Variants in KIRREL3 observed in about 807,000 individuals in gnomAD.
KIRREL3 encodes kirre like nephrin family adhesion molecule 3.
KIRREL3 carries 36 observed loss-of-function variants against 89.7 expected under a neutral mutation model. The ratio of observed to expected loss-of-function variants is 0.40; its 90% CI spans 0.31 to 0.53. KIRREL3 has a LOEUF of 0.53. KIRREL3 is among the 20% of genes least tolerant of loss of function. The probability of loss-of-function intolerance (pLI) is 0.49; values close to 1 mark genes in which losing one functional copy is unlikely to be tolerated. For synonymous variants in KIRREL3, 445 were observed against 441.4 expected (o/e 1.01, Z -0.10); for missense variants, 864 against 1,056.6 (o/e 0.82, Z 2.53).
In KIRREL3 at chr11:126,863,614, C is replaced by CGT. The variant is rs372426537; in HGVS notation, c.55+136839_55+136840dup. Among the ~76,000 whole-genome samples, 142 of 18,848 alleles carry CGT rather than the reference C, an allele frequency of 7.5e-3. 1 individual carries two copies. The East Asian group carries it at 0.1, about 14-fold the overall frequency. The allele number at this position is 18,848 out of a possible 152,430, so 12.4% of individuals were successfully genotyped here. The stretch of plus-strand genomic sequence containing the variant: ...GTTTGAGTGCGTGTGTGTTTGCGTG[C>CGT]GTGTGTGTGTGTTTGAGTGCGTGTG... On this transcript the variant is annotated intron_variant, in intron 1 of 16. Transcript: ENST00000525144.
rs1957655968 is a variant in KIRREL3 at position 126,496,375 on chromosome 11, G to A, written c.434-22909C>T. On this transcript the variant is annotated intron_variant, in intron 4 of 16. Transcript: ENST00000525144. The surrounding 1 kb of genome is among the most constrained non-coding windows in gnomAD (Gnocchi z 4.9). Reference sequence around the variant, plus strand: ...TCACTTTATAGATGAAGAAACTGAGGGTCAGAGAGGCTAAGTGATTTGGAC... The same window carrying A: ...TCACTTTATAGATGAAGAAACTGAGAGTCAGAGAGGCTAAGTGATTTGGAC... Among the ~76,000 whole-genome samples the A allele has an allele frequency of 6.6e-6, 1 of 152,124 alleles. No individual in the cohort carries two copies. Among genetic ancestry groups the A allele is most frequent in the African/African-American group, 2.4e-5 (1 of 41,426 alleles).
intron 4 of KIRREL3, among the ~76,000 whole-genome samples, chr11:126,500,569 G>A (rs1386021793): frequency 3.3e-5 from 5 of 152,170 alleles, no homozygotes; most frequent in East Asian, 1.9e-4. Flanking sequence ...GTGAAACCCC[G>A]TCTCTACAAA....
At chr11:126,829,919 T>C (rs1374543441) in intron 1 of KIRREL3, among the ~76,000 whole-genome samples, 1 of 151,676 alleles carries the variant, frequency 6.6e-6, no homozygotes, top group East Asian at 1.9e-4. Flanking sequence ...TGGGAGGGAG[T>C]GAGTTTTGTC....
At chr11:126,770,591 G>A (rs1449791409) in intron 1 of KIRREL3, among the ~76,000 whole-genome samples, 4 of 152,126 alleles carry the variant, frequency 2.6e-5, no homozygotes, top group East Asian at 3.9e-4. Flanking sequence ...TTACGGAGGC[G>A]GCCTGTTATG....
intron 5 of KIRREL3, among the ~76,000 whole-genome samples, chr11:126,472,582 C>T (rs906266881): frequency 4.6e-5 from 7 of 152,088 alleles, no homozygotes; most frequent in African/African-American, 1.4e-4. Context: ...ACATTCAGAC[C>T]GTGATTGCAT....
At position 126,715,466 on chromosome 11, in the gene KIRREL3, G is replaced by A. The variant is rs1207012893; in HGVS notation, c.56-152554C>T. On this transcript the variant is annotated intron_variant, in intron 1 of 16. Coordinates refer to ENST00000525144, the MANE Select transcript of KIRREL3 (RefSeq NM_032531.4). The surrounding 1 kb of genome is among the most constrained non-coding windows in gnomAD (Gnocchi z 4.4). ...TTGTTGACAGCTCAAGACCACATGGGCTCATCACTGTGATCTTAAGGAAAG... is the reference window on the plus strand; with the variant it reads ...TTGTTGACAGCTCAAGACCACATGGACTCATCACTGTGATCTTAAGGAAAG... Among the ~76,000 whole-genome samples, 5 of 152,120 alleles carry A rather than the reference G, an allele frequency of 3.3e-5. No individual in the cohort carries two copies. The highest frequency in any genetic ancestry group is 1.2e-4 in the African/African-American group (5 of 41,418).
rs1009592756 is a variant in KIRREL3 at position 126,475,396 on chromosome 11, C to G, written c.434-1930G>C. 6.6e-6 allele frequency among the ~76,000 whole-genome samples: 1 copy of G among 152,184 alleles called. No individual in the cohort carries two copies. Among genetic ancestry groups the G allele is most frequent in the Non-Finnish European group, 1.5e-5 (1 of 68,028 alleles). On this transcript the variant is annotated intron_variant, in intron 4 of 16. Transcript: ENST00000525144. The surrounding 1 kb of genome is among the most constrained non-coding windows in gnomAD (Gnocchi z 7.5). The stretch of plus-strand genomic sequence containing the variant: ...AGGGACAGGAAGCCCCAGTGGGGGC[C>G]GGTAAGAAGCCAAGAAGCAAACCTT...
intron 2 of KIRREL3, among the ~76,000 whole-genome samples, chr11:126,533,797 A>G (rs946977457): frequency 6.6e-6 from 1 of 152,192 alleles, no homozygotes; most frequent in Admixed American, 6.5e-5. Context: ...AAATGGGGAC[A>G]ATAATACCAC....
rs1233176382 is a variant in KIRREL3, at chr11:126,587,236, AGATGAAGACGGGG to A, written c.56-24337_56-24325del. Reference sequence around the variant, plus strand: ...CCCGAAGGACAAATAGGGGACAGGGAGATGAAGACGGGGGCTGCAGAGCGTTCCAGGCTGTGGA... The same window carrying A: ...CCCGAAGGACAAATAGGGGACAGGGAGCTGCAGAGCGTTCCAGGCTGTGGA... On this transcript the variant is annotated intron_variant, in intron 1 of 16. Coordinates refer to ENST00000525144, the MANE Select transcript of KIRREL3 (RefSeq NM_032531.4). The surrounding 1 kb of genome is among the most constrained non-coding windows in gnomAD (Gnocchi z 5.2). Among the ~76,000 whole-genome samples the A allele has an allele frequency of 2.6e-5, 4 of 152,130 alleles. No homozygotes were observed. The highest frequency in any genetic ancestry group is 7.2e-5 in the African/African-American group (3 of 41,444).
At position 126,918,154 on chromosome 11, in the gene KIRREL3, G is replaced by C. The variant is rs1628588; in HGVS notation, c.55+82301C>G. 0.33 allele frequency among the ~76,000 whole-genome samples: 49,765 copies of C among 152,096 alleles called. 8,749 individuals carry two copies. Among genetic ancestry groups the C allele is most frequent in the Middle Eastern group, 0.55 (162 of 292 alleles). On this transcript the variant is annotated intron_variant, in intron 1 of 16. Transcript: ENST00000525144. The surrounding 1 kb of genome is among the most constrained non-coding windows in gnomAD (Gnocchi z 6.5). ...CAGTTGAAGGACACACGACTTGAGG[G>C]AGATGGATGTTACTGAGGCAAAAGA... is the stretch of plus-strand genomic sequence containing the variant.
In KIRREL3 at chr11:126,752,173, T is replaced by C. The variant is rs550683462; in HGVS notation, c.56-189261A>G. Among the ~76,000 whole-genome samples the C allele has an allele frequency of 2.0e-5, 3 of 151,922 alleles. No individual in the cohort carries two copies. The highest frequency in any genetic ancestry group is 4.8e-5 in the African/African-American group (2 of 41,392). ...TATGAAGACGGGGTAAGCTAATGTA[T>C]TGAAAGGATTTCCCAGGCTCAGCGT... On this transcript the variant is annotated intron_variant, in intron 1 of 16. Transcript: ENST00000525144. The surrounding 1 kb of genome is among the most constrained non-coding windows in gnomAD (Gnocchi z 4.8).
At position 126,648,438 on chromosome 11, in the gene KIRREL3, G is replaced by A. The variant is rs113771956; in HGVS notation, c.56-85526C>T. On this transcript the variant is annotated intron_variant, in intron 1 of 16. Transcript: ENST00000525144. Reference sequence around the variant, plus strand: ...CCTCCCCTGCTTCAAGACATTGCTCGGTGGCCACCTTCTTGGGGACTGACC... The same window carrying A: ...CCTCCCCTGCTTCAAGACATTGCTCAGTGGCCACCTTCTTGGGGACTGACC... Among the ~76,000 whole-genome samples, 1,072 of 152,208 alleles carry A rather than the reference G, an allele frequency of 7.0e-3. 10 individuals are homozygous for A. Among genetic ancestry groups the A allele is most frequent in the African/African-American group, 0.025 (1,036 of 41,518 alleles).
rs912298489 is a variant in KIRREL3 at position 126,561,123 on chromosome 11, T to C, written c.133+1712A>G. ...TGGTACTTAGGGCAGCAAGGCTGGC[T>C]GGAGTGGAAGAAGAGGAGCTTCCTC... On this transcript the variant is annotated intron_variant, in intron 2 of 16. Transcript: ENST00000525144. The surrounding 1 kb of genome is among the most constrained non-coding windows in gnomAD (Gnocchi z 4.5). Among the ~76,000 whole-genome samples, 1 of 152,218 alleles carries C rather than the reference T, an allele frequency of 6.6e-6. No individual in the cohort carries two copies. The highest frequency in any genetic ancestry group is 1.5e-5 in the Non-Finnish European group (1 of 68,042).
intron 6 of KIRREL3, among the ~76,000 whole-genome samples, chr11:126,457,258 T>C (rs1956388196): frequency 6.8e-6 from 1 of 147,480 alleles, no homozygotes; most frequent in Admixed American, 6.7e-5. Flanking sequence ...TGTGTATGTG[T>C]GTATGCATGT....
At chr11:126,804,703 T>A (rs957114233) in intron 1 of KIRREL3, among the ~76,000 whole-genome samples, 1 of 152,214 alleles carries the variant, frequency 6.6e-6, no homozygotes, top group African/African-American at 2.4e-5. Context: ...CACTTCTTTT[T>A]GTTTAAAAAA....
chr11:126,902,132 T>C (rs1276991503), intron 1 of KIRREL3, among the ~76,000 whole-genome samples: 1 of 152,218 alleles, frequency 6.6e-6, no homozygotes, highest in African/African-American at 2.4e-5. Flanking sequence ...TATGGAGGCT[T>C]GTTCCAGTGG....
chr11:126,528,438 G>A lies in KIRREL3; in HGVS notation c.134-1751C>T, dbSNP rs1958831586. Among the ~76,000 whole-genome samples, 1 of 152,188 alleles carries A rather than the reference G, an allele frequency of 6.6e-6. No individual in the cohort carries two copies. The highest frequency in any genetic ancestry group is 2.4e-5 in the African/African-American group (1 of 41,448). ...GGGGTGGAGGCTCCCCAGAAGGAGGGGTGCAGATTCACAGTGGAGAGCTGG... is the reference window on the plus strand; with the variant it reads ...GGGGTGGAGGCTCCCCAGAAGGAGGAGTGCAGATTCACAGTGGAGAGCTGG... On this transcript the variant is annotated intron_variant, in intron 2 of 16. Transcript: ENST00000525144. This position sits in a 1 kb window ranked among gnomAD's most constrained non-coding sequence, Gnocchi z 4.6.
At chr11:126,613,354 C>T (rs577347215) in intron 1 of KIRREL3, among the ~76,000 whole-genome samples, 2 of 152,138 alleles carry the variant, frequency 1.3e-5, no homozygotes, top group African/African-American at 4.8e-5. Context: ...CTTTTTCACA[C>T]GGATATTGGA....
At chr11:126,509,781 A>C (rs1958144555) in intron 4 of KIRREL3, among the ~76,000 whole-genome samples, 1 of 152,142 alleles carries the variant, frequency 6.6e-6, no homozygotes, top group Non-Finnish European at 1.5e-5. Flanking sequence ...GAATCACCTG[A>C]GGTCAGGAGT....
Sources: gnomAD v4.1 joint callset for allele counts (sites outside exome capture counted in the v4.1 genomes callset) on GRCh38, gnomAD v4.1.1 for gene constraint, Gnocchi (gnomAD v3.1) non-coding constraint, MANE v1.5 for transcripts, NCBI Gene and HGNC (gene_info 2026-07-23, HGNC 2026-07-21) for gene names.